The following ARHGAP18 variants were observed in gnomAD, a reference collection of about 807,000 sequenced individuals.
The protein encoded by ARHGAP18 is rho GTPase-activating protein 18.
ARHGAP18 carries 67 observed loss-of-function variants against 86.2 expected under a neutral mutation model. The observed-to-expected ratio is 0.78, with a 90% CI of 0.64 to 0.95. The LOEUF (loss-of-function observed/expected upper bound fraction) is 0.95, where lower values mean the gene tolerates loss of function less well. Ranked by LOEUF, ARHGAP18 falls within the 40% of genes least tolerant of loss-of-function variation. The pLI is 0.00. For synonymous variants in ARHGAP18, 283 were observed against 280.4 expected, an observed-to-expected ratio of 1.01 and a Z score of -0.09; for missense variants, 691 against 780.4, an observed-to-expected ratio of 0.89 and a Z score of 1.37.
At position 129,576,510 on chromosome 6, in the gene ARHGAP18, T is replaced by G. The variant is rs1788178756; in HGVS notation, c.*2003A>C. ...TCCATATTTTTTTGTTATTTAAACGTGATATTATTCAACATTGATGAACTT... is the reference window on the plus strand; with the variant it reads ...TCCATATTTTTTTGTTATTTAAACGGGATATTATTCAACATTGATGAACTT... On this transcript the variant is annotated 3_prime_UTR_variant, in exon 15 of 15. Transcript: ENST00000368149. 1.3e-5 allele frequency: 2 copies of G among 152,210 alleles called. No individual in the cohort carries two copies. Among genetic ancestry groups the G allele is most frequent in the South Asian group, 4.1e-4 (2 of 4,834 alleles). 9.4% of individuals were successfully genotyped at this position (152,210 alleles called of 1,614,324 possible). A position where few individuals can be genotyped will look rare whatever the true frequency, so the allele number is the denominator to read the frequency against.
At chr6:129,645,924 C>T (rs1216344726) in intron 1 of ARHGAP18, among the ~76,000 whole-genome samples, 7 of 152,124 alleles carry the variant, frequency 4.6e-5, no homozygotes, top group Admixed American at 4.6e-4. Flanking sequence ...TATATGCTAT[C>T]CCATTTTCCC....
At chr6:129,674,397 C>T (rs1774194141) in intron 1 of ARHGAP18, among the ~76,000 whole-genome samples, 1 of 149,978 alleles carries the variant, frequency 6.7e-6, no homozygotes, top group South Asian at 2.1e-4. Flanking sequence ...TAGGACACTA[C>T]AAAAAATGTA....
intron 1 of ARHGAP18, among the ~76,000 whole-genome samples, chr6:129,676,913 C>CTTTTTTT (rs1562721123): frequency 1.2e-4 from 4 of 34,590 alleles, no homozygotes; most frequent in African/African-American, 3.4e-4. Context: ...ATTTTTTGTC[C>CTTTTTTT]TCTTTTTTTT....
chr6:129,624,978 T>G (rs368131646), intron 5 of ARHGAP18, among the ~76,000 whole-genome samples: 2 of 117,836 alleles, frequency 1.7e-5, no homozygotes, highest in Non-Finnish European at 1.7e-5. Context: ...TATATTTATA[T>G]ATAATATATA....
In ARHGAP18 at chr6:129,704,992, C is replaced by T. The variant is rs1774780070; in HGVS notation, c.113+5032G>A. ...ACTCTATCTAGGCTTATGGCTTCTA[C>T]ACTCTCTACCCACTATCTGCCTTAA... On this transcript the variant is annotated intron_variant, in intron 1 of 14. Transcript: ENST00000368149. Among the ~76,000 whole-genome samples, 3 of 152,320 alleles carry T rather than the reference C, an allele frequency of 2.0e-5. No individual in the cohort carries two copies. In the South Asian group the frequency reaches 6.2e-4, roughly 32 times the overall value.
At chr6:129,584,683 T>G (rs564625772) in intron 12 of ARHGAP18, among the ~76,000 whole-genome samples, 3 of 152,238 alleles carry the variant, frequency 2.0e-5, no homozygotes, top group Non-Finnish European at 4.4e-5. Flanking sequence ...GTGAAAAACA[T>G]TTTATGGATT....
rs1268740231 is a variant in ARHGAP18 at position 129,608,002 on chromosome 6, C to T, written c.1173G>A (p.Trp391Ter). 1 of 1,600,258 alleles carries T rather than the reference C, an allele frequency of 6.2e-7. No individual in the cohort carries two copies. Among genetic ancestry groups the T allele is most frequent in the African/African-American group, 1.4e-5 (1 of 73,780 alleles). Residue 391 changes from tryptophan (W) to a stop codon, truncating the protein, a stop_gained, in exon 9 of 15, where the codon TGG becomes TGA. Coordinates refer to ENST00000368149, the MANE Select transcript of ARHGAP18 (RefSeq NM_033515.3). LOFTEE classifies it high-confidence loss of function. Reference sequence around the variant, plus strand: ...CGGCATCATGCTGTTTGACACTTTCCCAATTAAAAGTCCCTTCATAAAACT... The same window carrying T: ...CGGCATCATGCTGTTTGACACTTTCTCAATTAAAAGTCCCTTCATAAAACT... ...EAKFYEGTFN[W>*]ESVKQHDAAS...
intron 12 of ARHGAP18, among the ~76,000 whole-genome samples, chr6:129,595,312 T>C (rs1457556890): frequency 6.6e-6 from 1 of 152,334 alleles, no homozygotes; most frequent in East Asian, 1.9e-4. Context: ...TTTGTACACT[T>C]TCATGGTATT....
chr6:129,576,829 C>T lies in ARHGAP18; in HGVS notation c.*1684G>A, dbSNP rs1368707094. On this transcript the variant is annotated 3_prime_UTR_variant, in exon 15 of 15. Coordinates refer to ENST00000368149, the MANE Select transcript of ARHGAP18 (RefSeq NM_033515.3). ...CAACCCACTAATAAGTACCATTTTG[C>T]TAATTGGGAAATTAATACATATTGT... is the stretch of plus-strand genomic sequence containing the variant. 1 of 151,790 alleles carries T rather than the reference C, an allele frequency of 6.6e-6. No individual in the cohort carries two copies. Among genetic ancestry groups the T allele is most frequent in the Non-Finnish European group, 1.5e-5 (1 of 67,978 alleles). The allele number at this position is 151,790 out of a possible 1,614,324, so 9.4% of individuals were successfully genotyped here.
In ARHGAP18 at chr6:129,585,523, AT is replaced by A. The variant is rs1317054531; in HGVS notation, c.1714-1412del. Reference sequence around the variant, plus strand: ...TATAAGACTGTACAGTGAGTATGGGATTGTGGAAGACCACAGACTGCAAACA... The same window carrying A: ...TATAAGACTGTACAGTGAGTATGGGATGTGGAAGACCACAGACTGCAAACA... On this transcript the variant is annotated intron_variant, in intron 12 of 14. Coordinates refer to ENST00000368149, the MANE Select transcript of ARHGAP18 (RefSeq NM_033515.3). Among the ~76,000 whole-genome samples the A allele has an allele frequency of 5.9e-5, 9 of 152,284 alleles. No individual in the cohort carries two copies. In the South Asian group the frequency reaches 1.7e-3, roughly 28 times the overall value.
intron 13 of ARHGAP18, 128 bp from the exon 14 acceptor site, chr6:129,580,259 AC>A: frequency 1.4e-6 from 1 of 724,540 alleles, no homozygotes; most frequent in Non-Finnish European, 2.3e-6. Flanking sequence ...AATTATCTAC[AC>A]GTTTGTATTT....
intron 7 of ARHGAP18, 67 bp from the exon 8 acceptor site, chr6:129,611,677 C>G: frequency 7.5e-7 from 1 of 1,338,098 alleles, no homozygotes; most frequent in Non-Finnish European, 1.1e-6. Context: ...AATTTAACAT[C>G]TGTTTCACAT....
chr6:129,695,313 T>C (rs77625019), intron 1 of ARHGAP18, among the ~76,000 whole-genome samples: 15,433 of 152,238 alleles, frequency 0.1, 812 homozygotes, highest in Admixed American at 0.14. Flanking sequence ...AAACTTTGTT[T>C]ACACCAAATA....
intron 1 of ARHGAP18, among the ~76,000 whole-genome samples, chr6:129,677,173 A>T (rs1774250756): frequency 6.6e-6 from 1 of 152,046 alleles, no homozygotes; most frequent in African/African-American, 2.4e-5. Flanking sequence ...CAGGCGGATC[A>T]CGAGGTCAGG....
intron 5 of ARHGAP18, among the ~76,000 whole-genome samples, chr6:129,624,810 T>G (rs947689158): frequency 3.0e-4 from 45 of 150,796 alleles, no homozygotes; most frequent in African/African-American, 1.1e-3. Flanking sequence ...CCGGGCGTGG[T>G]GGTGGGCACC....
At position 129,605,117 on chromosome 6, in the gene ARHGAP18, A is replaced by G. The variant is rs527981682; in HGVS notation, c.1365+760T>C. On this transcript the variant is annotated intron_variant, in intron 10 of 14. Transcript: ENST00000368149. ...TAAGGCAAGGGAAAAACTTAAGATA[A>G]TACTTTTACTAAGTTAATTTTTTTT... 3.9e-5 allele frequency among the ~76,000 whole-genome samples: 6 copies of G among 152,320 alleles called. No individual in the cohort carries two copies. The South Asian group carries it at 1.2e-3, about 32-fold the overall frequency.
intron 5 of ARHGAP18, among the ~76,000 whole-genome samples, chr6:129,625,006 T>TTA (rs1235169861): frequency 0.01 from 562 of 54,402 alleles, 23 homozygotes; most frequent in African/African-American, 0.028. Flanking sequence ...TGATATATAT[T>TTA]TATATAATAT....
chr6:129,641,928 A>C lies in ARHGAP18; in HGVS notation c.204T>G (p.Asp68Glu), dbSNP rs924145915. 1.9e-6 allele frequency: 3 copies of C among 1,613,858 alleles called. No individual in the cohort carries two copies. The African/African-American group carries it at 4.0e-5, about 22-fold the overall frequency. The change falls in exon 2 of 15, where the codon GAT becomes GAG. Residue 68 changes from aspartate (D) to glutamate (E), a missense_variant. By Grantham distance (45) the Asp-to-Glu change is conservative. Coordinates refer to ENST00000368149, the MANE Select transcript of ARHGAP18 (RefSeq NM_033515.3). The stretch of plus-strand genomic sequence containing the variant: ...CTTCCATAGATAGTTCATCCAAAGA[A>C]TCCTGGGAAATTGATCGATCAAATG... Reference protein sequence around the residue: ...KPPFDRSISQDSLDELSMEDY... With the variant: ...KPPFDRSISQESLDELSMEDY...
chr6:129,592,300 T>C (rs1198455135), intron 12 of ARHGAP18, among the ~76,000 whole-genome samples: 2 of 152,142 alleles, frequency 1.3e-5, no homozygotes, highest in Non-Finnish European at 2.9e-5. Flanking sequence ...TTAAATGAAA[T>C]CAGAGATGCA....
Sources: allele counts gnomAD v4.1 joint callset (sites outside exome capture counted in the v4.1 genomes callset), GRCh38; gene constraint gnomAD v4.1.1; transcripts MANE v1.5; gene names NCBI Gene and HGNC (gene_info 2026-07-23, HGNC 2026-07-21).